ADARB2: variants seen among roughly 807,000 people sequenced by gnomAD.
ADARB2 encodes inactive double-stranded RNA-specific editase B2.
Under a neutral mutation model 62.2 loss-of-function variants are expected in ADARB2, and 25 were observed. The observed-to-expected ratio is 0.40, with a 90% CI of 0.29 to 0.56. The LOEUF is 0.56. Among genes scored for constraint, ADARB2 ranks in the 20% least tolerant of loss-of-function variants. The pLI is 0.43. For missense variants in ADARB2, 1,071 were observed against 1,077.4 expected (o/e 0.99, Z 0.08); for synonymous variants, 572 against 500.8 (o/e 1.14, Z -1.90).
intron 2 of ADARB2, among the ~76,000 whole-genome samples, chr10:1,375,139 T>C (rs1403868531): frequency 6.6e-6 from 1 of 152,130 alleles, no homozygotes. Context: ...AAACCTCTTT[T>C]CAGCACAACT....
At chr10:1,547,270 T>G (rs1303646147) in intron 1 of ADARB2, among the ~76,000 whole-genome samples, 4 of 81,770 alleles carry the variant, frequency 4.9e-5, no homozygotes, top group Admixed American at 1.4e-4. Context: ...GCGTATGCAC[T>G]GTGGGGAGGG....
chr10:1,309,346 C>A (rs1422043867), intron 3 of ADARB2, among the ~76,000 whole-genome samples: 1 of 152,192 alleles, frequency 6.6e-6, no homozygotes. Context: ...AGACCAAAAT[C>A]CTCCATGCCG....
chr10:1,379,099 T>C lies in ADARB2; in HGVS notation c.162A>G (p.Thr54=), dbSNP rs148713567. The change falls in exon 2 of 10, where the codon ACA becomes ACG. Residue 54 remains threonine, a synonymous_variant. Coordinates refer to ENST00000381312, the MANE Select transcript of ADARB2 (RefSeq NM_018702.4). The part of the protein sequence containing the change: ...APFKHLSPGI[T]NTEDDDTLST... ...TGAGGGTGTCGTCATCCTCCGTGTTTGTGATGCCAGGACTCAGGTGCTTGA... is the reference window on the plus strand; with the variant it reads ...TGAGGGTGTCGTCATCCTCCGTGTTCGTGATGCCAGGACTCAGGTGCTTGA... The C allele has an allele frequency of 1.2e-6, 2 of 1,613,716 alleles. No individual in the cohort carries two copies. The highest frequency in any genetic ancestry group is 1.7e-5 in the Admixed American group (1 of 60,004).
At chr10:1,526,612 G>C (rs929764343) in intron 1 of ADARB2, 11 of 239,092 alleles carry the variant, frequency 4.6e-5, no homozygotes, top group African/African-American at 9.3e-5. Context: ...CCTCCCCATC[G>C]GCCACGAGTG....
intron 1 of ADARB2, among the ~76,000 whole-genome samples, chr10:1,587,596 CGT>C (rs1833197525): frequency 6.6e-6 from 1 of 151,948 alleles, no homozygotes; most frequent in African/African-American, 2.4e-5. Context: ...GGGGAGATAG[CGT>C]GGGTTCCCGT....
At chr10:1,600,837 CCT>C (rs1402670910) in intron 1 of ADARB2, among the ~76,000 whole-genome samples, 6 of 152,188 alleles carry the variant, frequency 3.9e-5, no homozygotes, top group African/African-American at 1.4e-4. Context: ...CTCTGAGGCC[CCT>C]GTTCCATGGT....
chr10:1,296,645 G>T (rs967777109), intron 3 of ADARB2, among the ~76,000 whole-genome samples: 9 of 152,114 alleles, frequency 5.9e-5, no homozygotes, highest in African/African-American at 1.9e-4. Context: ...CTTTGCCTGG[G>T]ACTCTCTGCA....
chr10:1,375,743 T>C (rs1432297314), intron 2 of ADARB2, among the ~76,000 whole-genome samples: 1 of 151,144 alleles, frequency 6.6e-6, no homozygotes, highest in Non-Finnish European at 1.5e-5. Flanking sequence ...GTGCACAGAT[T>C]CACACGCCAC....
chr10:1,282,484 A>G (rs570284381), intron 3 of ADARB2, among the ~76,000 whole-genome samples: 23 of 152,348 alleles, frequency 1.5e-4, no homozygotes, highest in African/African-American at 5.3e-4. Context: ...TATGTAAATG[A>G]TACTGCCATT....
intron 1 of ADARB2, among the ~76,000 whole-genome samples, chr10:1,483,484 A>G (rs1385481325): frequency 6.6e-6 from 1 of 152,198 alleles, no homozygotes; most frequent in East Asian, 1.9e-4. Context: ...TTCACGGAAA[A>G]CAATACTTAG....
chr10:1,644,415 C>T (rs1382594826), intron 1 of ADARB2, among the ~76,000 whole-genome samples: 2 of 152,262 alleles, frequency 1.3e-5, no homozygotes, highest in African/African-American at 4.8e-5. Flanking sequence ...TAGCTGCCTA[C>T]ATCTGTCACC....
intron 1 of ADARB2, among the ~76,000 whole-genome samples, chr10:1,579,896 G>GCCT (rs1321256938): frequency 1.3e-5 from 2 of 152,144 alleles, no homozygotes; most frequent in African/African-American, 4.8e-5. Flanking sequence ...CCCCAGACAT[G>GCCT]CCTGGTGTCT....
intron 1 of ADARB2, among the ~76,000 whole-genome samples, chr10:1,586,577 A>T (rs573462621): frequency 6.6e-6 from 1 of 152,302 alleles, no homozygotes; most frequent in African/African-American, 2.4e-5. Context: ...CCCCGAGGGG[A>T]TCTGCTCACC....
In ADARB2 at chr10:1,667,903, A is replaced by G. The variant is rs189275663; in HGVS notation, c.100+69148T>C. 1.4e-3 allele frequency among the ~76,000 whole-genome samples: 206 copies of G among 152,344 alleles called. 2 individuals are homozygous for G. The highest frequency in any genetic ancestry group is 4.7e-3 in the African/African-American group (196 of 41,578). On this transcript the variant is annotated intron_variant, in intron 1 of 9. Transcript: ENST00000381312. ...AACTGTAGATATTAACCTGAAACAC[A>G]AGAAAATGGATCAGGTGGGGCATCA...
chr10:1,204,600 C>T (rs369432083), intron 7 of ADARB2, among the ~76,000 whole-genome samples: 6 of 152,224 alleles, frequency 3.9e-5, no homozygotes, highest in African/African-American at 9.6e-5. Flanking sequence ...GTGGACGCTC[C>T]GCCCCTCACT....
intron 2 of ADARB2, among the ~76,000 whole-genome samples, chr10:1,371,343 A>G (rs1416880230): frequency 1.3e-5 from 2 of 152,202 alleles, no homozygotes; most frequent in Non-Finnish European, 2.9e-5. Context: ...TAAAAATCCT[A>G]CAAGAAAACC....
At chr10:1,627,882 A>C (rs1224718627) in intron 1 of ADARB2, among the ~76,000 whole-genome samples, 1 of 152,158 alleles carries the variant, frequency 6.6e-6, no homozygotes, top group African/African-American at 2.4e-5. Flanking sequence ...CAGCACTTGA[A>C]GAGGTGGAGC....
At chr10:1,475,691 A>G (rs1391355370) in intron 1 of ADARB2, among the ~76,000 whole-genome samples, 1 of 152,238 alleles carries the variant, frequency 6.6e-6, no homozygotes, top group Non-Finnish European at 1.5e-5. Flanking sequence ...TGAGAATTCT[A>G]TGAACGCTTG....
rs189929841 is a variant in ADARB2 at position 1,421,739 on chromosome 10, C to T, written c.101-42579G>A. ...GTCCTTTCCATTGTAAGATTCACCCCATTGCCTCCTAAAGTGAACCCCAGG... is the reference window on the plus strand; with the variant it reads ...GTCCTTTCCATTGTAAGATTCACCCTATTGCCTCCTAAAGTGAACCCCAGG... On this transcript the variant is annotated intron_variant, in intron 1 of 9. Transcript: ENST00000381312. Among the ~76,000 whole-genome samples, 216 of 152,298 alleles carry T rather than the reference C, an allele frequency of 1.4e-3. 1 individual carries two copies. The highest frequency in any genetic ancestry group is 5.0e-3 in the African/African-American group (207 of 41,548).
Sources: gnomAD v4.1 joint callset for allele counts (sites outside exome capture counted in the v4.1 genomes callset) on GRCh38, gnomAD v4.1.1 for gene constraint, MANE v1.5 for transcripts, NCBI Gene and HGNC (gene_info 2026-07-23, HGNC 2026-07-21) for gene names.